GALNT13: variants seen among roughly 807,000 people sequenced by gnomAD.
The protein encoded by GALNT13 is polypeptide N-acetylgalactosaminyltransferase 13, also known as UDP-GalNAc:polypeptide N-acetylgalactosaminyltransferase 13.
Under a neutral mutation model 64.2 loss-of-function variants are expected in GALNT13, and 28 were observed. The ratio of observed to expected loss-of-function variants is 0.44; its 90% CI spans 0.32 to 0.60. GALNT13 has a LOEUF of 0.60. Ranked by LOEUF, GALNT13 falls within the 20% of genes least tolerant of loss-of-function variation. GALNT13 has a pLI of 0.05. For synonymous variants in GALNT13, 214 were observed against 224.6 expected (o/e 0.95, Z 0.42); for missense variants, 577 against 669.8 (o/e 0.86, Z 1.53).
At chr2:153,379,083 C>G in the GALNT13 span, among the ~76,000 whole-genome samples, 2 of 151,918 alleles carry the variant, frequency 1.3e-5, no homozygotes, top group Admixed American at 6.6e-5. Context: ...TAGTAGTAGC[C>G]CAAGGGGACG....
the GALNT13 span, among the ~76,000 whole-genome samples, chr2:153,526,370 G>T: frequency 0.01 from 1,563 of 152,308 alleles, 29 homozygotes; most frequent in African/African-American, 0.035. Flanking sequence ...AACTCCATTT[G>T]CTTGGGAGAA....
chr2:154,089,063 G>A (rs1701670938), intron 3 of GALNT13, among the ~76,000 whole-genome samples: 1 of 152,008 alleles, frequency 6.6e-6, no homozygotes, highest in African/African-American at 2.4e-5. Flanking sequence ...CTCTCATGGA[G>A]CTACTATCCT....
At chr2:153,560,070 C>T in the GALNT13 span, among the ~76,000 whole-genome samples, 26 of 151,890 alleles carry the variant, frequency 1.7e-4, no homozygotes, top group Non-Finnish European at 3.7e-4. Context: ...TTCCTATAGC[C>T]TTTAGACATG....
chr2:153,960,550 A>C (rs928132419), intron 3 of GALNT13, among the ~76,000 whole-genome samples: 2 of 152,190 alleles, frequency 1.3e-5, no homozygotes, highest in African/African-American at 4.8e-5. Flanking sequence ...TTTTAATTGC[A>C]TACAGATTAA....
intron 4 of GALNT13, among the ~76,000 whole-genome samples, chr2:154,212,716 C>G (rs1687845851): frequency 6.6e-6 from 1 of 151,976 alleles, no homozygotes; most frequent in Non-Finnish European, 1.5e-5. Flanking sequence ...TTCTTCCCCC[C>G]ATCCTTCTTC....
chr2:153,819,152 G>GT, the GALNT13 span, among the ~76,000 whole-genome samples: 4 of 152,102 alleles, frequency 2.6e-5, no homozygotes, highest in East Asian at 7.7e-4. Context: ...TTACCAACAT[G>GT]TATGGGCCCA....
chr2:153,557,544 C>T, the GALNT13 span, among the ~76,000 whole-genome samples: 421 of 152,284 alleles, frequency 2.8e-3, 2 homozygotes, highest in African/African-American at 9.6e-3. Context: ...TTACCAACAT[C>T]GTTTCATTTA....
the GALNT13 span, among the ~76,000 whole-genome samples, chr2:153,311,600 G>A: frequency 2.4e-4 from 37 of 152,288 alleles, no homozygotes; most frequent in African/African-American, 7.5e-4. Context: ...ATCCACGACC[G>A]TGCCTCCCTC....
At chr2:153,183,616 G>A in the GALNT13 span, among the ~76,000 whole-genome samples, 1 of 152,142 alleles carries the variant, frequency 6.6e-6, no homozygotes, top group South Asian at 2.1e-4. Context: ...TTACATTTAA[G>A]TCTTTAATCC....
At chr2:153,224,852 AC>A in the GALNT13 span, among the ~76,000 whole-genome samples, 1 of 152,166 alleles carries the variant, frequency 6.6e-6, no homozygotes, top group Non-Finnish European at 1.5e-5. Context: ...ATTAATGACA[AC>A]CTTTCCAAAA....
chr2:153,409,402 T>A, the GALNT13 span, among the ~76,000 whole-genome samples: 1 of 132,146 alleles, frequency 7.6e-6, no homozygotes. Context: ...CTCCTAGTAG[T>A]TCTGTCCCTC....
chr2:154,091,693 A>T (rs1229975016), intron 3 of GALNT13, among the ~76,000 whole-genome samples: 1 of 151,918 alleles, frequency 6.6e-6, no homozygotes, highest in Non-Finnish European at 1.5e-5. Flanking sequence ...CACTTATTTA[A>T]TTCATTTATA....
chr2:153,848,890 A>C, the GALNT13 span, among the ~76,000 whole-genome samples: 35 of 151,844 alleles, frequency 2.3e-4, no homozygotes, highest in Non-Finnish European at 4.3e-4. Flanking sequence ...GTATGTATAA[A>C]GTAAATTGCA....
the GALNT13 span, among the ~76,000 whole-genome samples, chr2:153,459,556 T>C: frequency 6.6e-6 from 1 of 152,168 alleles, no homozygotes; most frequent in African/African-American, 2.4e-5. Flanking sequence ...GGGTCAATAT[T>C]GACAGAGCAA....
At chr2:153,903,257 A>T (rs1219726062) in intron 2 of GALNT13, among the ~76,000 whole-genome samples, 1 of 152,048 alleles carries the variant, frequency 6.6e-6, no homozygotes, top group Non-Finnish European at 1.5e-5. Flanking sequence ...GGTAAAAAAA[A>T]AGATTTTGTA....
intron 3 of GALNT13, among the ~76,000 whole-genome samples, chr2:154,073,126 C>A (rs1700819033): frequency 6.6e-6 from 1 of 151,978 alleles, no homozygotes; most frequent in Non-Finnish European, 1.5e-5. Flanking sequence ...TGAAGGAAGA[C>A]AGTGACTACA....
At chr2:153,608,633 C>T in the GALNT13 span, among the ~76,000 whole-genome samples, 3 of 148,316 alleles carry the variant, frequency 2.0e-5, no homozygotes, top group East Asian at 5.9e-4. Flanking sequence ...ATATTTCTCT[C>T]TTTCATACAT....
chr2:154,380,152 G>A (rs1252421823), intron 9 of GALNT13, among the ~76,000 whole-genome samples: 1 of 151,928 alleles, frequency 6.6e-6, no homozygotes, highest in Non-Finnish European at 1.5e-5. Flanking sequence ...AACTCTCACT[G>A]TGCCAAATAC....
the GALNT13 span, among the ~76,000 whole-genome samples, chr2:153,619,401 T>A: frequency 6.6e-6 from 1 of 152,140 alleles, no homozygotes; most frequent in African/African-American, 2.4e-5. Flanking sequence ...TTATTTTGCA[T>A]TGGTTCATCA....
Sources: gnomAD v4.1 joint callset for allele counts (sites outside exome capture counted in the v4.1 genomes callset) on GRCh38, gnomAD v4.1.1 for gene constraint, MANE v1.5 for transcripts, NCBI Gene and HGNC (gene_info 2026-07-23, HGNC 2026-07-21) for gene names.